Variants in CERS6 observed in about 807,000 individuals in gnomAD.
CERS6 encodes LAG1 homolog, ceramide synthase 6.
Under a neutral mutation model 56.8 loss-of-function variants are expected in CERS6, and 26 were observed. The ratio of observed to expected loss-of-function variants is 0.46; its 90% CI spans 0.34 to 0.63. CERS6 has a LOEUF of 0.63. Ranked by LOEUF, CERS6 falls within the 30% of genes least tolerant of loss-of-function variation. CERS6 has a pLI of 0.01. For synonymous variants in CERS6, 164 were observed against 173.3 expected, an observed-to-expected ratio of 0.95 and a Z score of 0.42; for missense variants, 415 against 467.5, an observed-to-expected ratio of 0.89 and a Z score of 1.04.
intron 4 of CERS6, among the ~76,000 whole-genome samples, chr2:168,675,351 G>A (rs112162297): frequency 5.3e-5 from 8 of 152,066 alleles, no homozygotes; most frequent in East Asian, 1.9e-4. Flanking sequence ...TTGGGAGGCC[G>A]AGGCAGTTAA....
chr2:168,612,161 C>A (rs1684204400), intron 3 of CERS6, among the ~76,000 whole-genome samples: 1 of 152,120 alleles, frequency 6.6e-6, no homozygotes, highest in Admixed American at 6.5e-5. Context: ...TTTCATTTTG[C>A]AGATGAGAAA....
At chr2:168,525,635 A>G (rs932179410) in intron 1 of CERS6, among the ~76,000 whole-genome samples, 13 of 152,246 alleles carry the variant, frequency 8.5e-5, no homozygotes, top group South Asian at 2.1e-4. Context: ...TCAAAGTCCT[A>G]TACAACGGCC....
At chr2:168,760,738 G>GTTTATTTA (rs80269147) in intron 8 of CERS6, among the ~76,000 whole-genome samples, 2,845 of 129,326 alleles carry the variant, frequency 0.022, 110 homozygotes, top group African/African-American at 0.065. Context: ...TTTACTGTTT[G>GTTTATTTA]TTTATTTATT....
intron 5 of CERS6, among the ~76,000 whole-genome samples, chr2:168,691,313 A>G (rs753242466): frequency 3.9e-5 from 6 of 152,180 alleles, no homozygotes; most frequent in Non-Finnish European, 5.9e-5. Context: ...CAGCTTGGAA[A>G]GTACATTTAC....
At chr2:168,564,509 G>A (rs1695849875) in intron 3 of CERS6, among the ~76,000 whole-genome samples, 1 of 152,100 alleles carries the variant, frequency 6.6e-6, no homozygotes, top group Non-Finnish European at 1.5e-5. Context: ...AAACTTTGGT[G>A]ATTTTAAGGC....
chr2:168,457,154 C>T (rs1439321829), intron 1 of CERS6, among the ~76,000 whole-genome samples: 1 of 152,256 alleles, frequency 6.6e-6, no homozygotes, highest in African/African-American at 2.4e-5. Context: ...CCAGGGACTT[C>T]CTGGCTTCTG....
chr2:168,468,080 T>C (rs1281777385), intron 1 of CERS6, among the ~76,000 whole-genome samples: 2 of 152,124 alleles, frequency 1.3e-5, no homozygotes. Context: ...CAACAGTTAA[T>C]GATGTGGGTT....
chr2:168,688,184 A>G (rs138564555), intron 4 of CERS6, among the ~76,000 whole-genome samples: 3 of 152,172 alleles, frequency 2.0e-5, no homozygotes, highest in Non-Finnish European at 4.4e-5. Flanking sequence ...TGTATTTTTA[A>G]TCACCATTCC....
intron 1 of CERS6, among the ~76,000 whole-genome samples, chr2:168,460,170 T>G (rs1385572079): frequency 6.6e-6 from 1 of 152,154 alleles, no homozygotes; most frequent in Non-Finnish European, 1.5e-5. Context: ...TGATGAAACT[T>G]TGAAGCGGCT....
chr2:168,669,873 T>A (rs1164000562), intron 4 of CERS6, among the ~76,000 whole-genome samples: 2 of 152,212 alleles, frequency 1.3e-5, no homozygotes, highest in Non-Finnish European at 2.9e-5. Flanking sequence ...AACAGCAGAT[T>A]TTCTTCAAAG....
At chr2:168,641,571 G>C (rs1197365488) in intron 4 of CERS6, among the ~76,000 whole-genome samples, 1 of 152,102 alleles carries the variant, frequency 6.6e-6, no homozygotes, top group Non-Finnish European at 1.5e-5. Flanking sequence ...CAGGTTCTTT[G>C]TGGATCCCCT....
intron 7 of CERS6, among the ~76,000 whole-genome samples, chr2:168,717,163 C>G (rs983016234): frequency 4.6e-5 from 7 of 152,182 alleles, no homozygotes; most frequent in Non-Finnish European, 8.8e-5. Context: ...ACTTAAATCA[C>G]TGTCATAAAT....
At chr2:168,638,783 G>C (rs528505779) in intron 4 of CERS6, among the ~76,000 whole-genome samples, 3 of 152,280 alleles carry the variant, frequency 2.0e-5, no homozygotes, top group African/African-American at 7.2e-5. Context: ...TGTCTTGAGA[G>C]AATGGCATTT....
chr2:168,741,092 G>A (rs1353010237), intron 8 of CERS6, among the ~76,000 whole-genome samples: 5 of 152,196 alleles, frequency 3.3e-5, no homozygotes, highest in East Asian at 1.9e-4. Context: ...GGTTAACAAC[G>A]TGGACTCTGG....
intron 1 of CERS6, among the ~76,000 whole-genome samples, chr2:168,529,288 T>G (rs990393479): frequency 1.3e-5 from 2 of 152,212 alleles, no homozygotes; most frequent in African/African-American, 4.8e-5. Flanking sequence ...GGCTGTCAGA[T>G]TCTTCTGGGG....
At chr2:168,652,742 G>A (rs533316933) in intron 4 of CERS6, among the ~76,000 whole-genome samples, 5 of 152,086 alleles carry the variant, frequency 3.3e-5, no homozygotes, top group African/African-American at 9.6e-5. Context: ...AACATCCTGG[G>A]AAATCTGGCC....
intron 1 of CERS6, among the ~76,000 whole-genome samples, chr2:168,495,727 T>C (rs1694454720): frequency 6.6e-6 from 1 of 152,230 alleles, no homozygotes; most frequent in South Asian, 2.1e-4. Context: ...CATGTGTGCA[T>C]GCTCCTTTCT....
intron 3 of CERS6, among the ~76,000 whole-genome samples, chr2:168,604,275 AAC>A (rs1407652758): frequency 1.4e-4 from 21 of 152,356 alleles, no homozygotes; most frequent in Middle Eastern, 3.4e-3. Flanking sequence ...GCTTTTCAAA[AAC>A]ACAACTTTTG....
At chr2:168,550,145 GTC>G (rs1403495264) in intron 2 of CERS6, among the ~76,000 whole-genome samples, 1 of 152,026 alleles carries the variant, frequency 6.6e-6, no homozygotes, top group African/African-American at 2.4e-5. Context: ...TCCTCCCTCA[GTC>G]TCTCTCTACT....
Sources: gnomAD v4.1 joint callset for allele counts (sites outside exome capture counted in the v4.1 genomes callset) on GRCh38, gnomAD v4.1.1 for gene constraint, MANE v1.5 for transcripts, NCBI Gene and HGNC (gene_info 2026-07-23, HGNC 2026-07-21) for gene names.